The following ANKK1 variants were observed in gnomAD, a reference collection of about 807,000 sequenced individuals.
The protein encoded by ANKK1 is ankyrin repeat and kinase domain containing 1, also known as ankyrin repeat and protein kinase domain-containing protein 1.
ANKK1 carries 37 observed loss-of-function variants against 37.6 expected under a neutral mutation model. That is an observed-to-expected ratio of 0.98 (90% confidence interval 0.76 to 1.29). The LOEUF (loss-of-function observed/expected upper bound fraction) is 1.29, where lower values mean the gene tolerates loss of function less well. Ranked by LOEUF, ANKK1 falls within the 50% of genes most tolerant of loss-of-function variation. The pLI, the probability that ANKK1 is intolerant of heterozygous loss-of-function variation, is 0.00. For missense variants in ANKK1, 1,019 were observed against 990.6 expected, an observed-to-expected ratio of 1.03 and a Z score of -0.39; for synonymous variants, 415 against 418.7, an observed-to-expected ratio of 0.99 and a Z score of 0.11.
At chr11:113,394,148 T>C (rs1273599514) in intron 2 of ANKK1, among the ~76,000 whole-genome samples, 1 of 152,122 alleles carries the variant, frequency 6.6e-6, no homozygotes, top group African/African-American at 2.4e-5. Context: ...CCAGGACCTT[T>C]GCAGCTTCTG....
chr11:113,398,739 C>T (rs1950660172), intron 7 of ANKK1, among the ~76,000 whole-genome samples: 1 of 152,156 alleles, frequency 6.6e-6, no homozygotes, highest in Non-Finnish European at 1.5e-5. Flanking sequence ...CTTTCTGCCT[C>T]ACCTGTGAGG....
At position 113,387,961 on chromosome 11, in the gene ANKK1, G is replaced by C. The variant is rs1436982215; in HGVS notation, c.77G>C (p.Arg26Pro). ...FTRDDFEGDW[R>P]LVASGGFSQV... Reference sequence around the variant, plus strand: ...CGCGACGACTTCGAGGGCGACTGGCGCCTAGTGGCCAGCGGCGGCTTCAGC... The same window carrying C: ...CGCGACGACTTCGAGGGCGACTGGCCCCTAGTGGCCAGCGGCGGCTTCAGC... Residue 26 changes from arginine to proline, a missense_variant, in exon 1 of 8, where the codon CGC becomes CCC. By Grantham distance (103) the Arg-to-Pro change is moderately radical. Coordinates refer to ENST00000303941, the MANE Select transcript of ANKK1 (RefSeq NM_178510.2). 6.4e-7 allele frequency: 1 copy of C among 1,574,466 alleles called. No individual in the cohort carries two copies. The highest frequency in any genetic ancestry group is 1.3e-5 in the African/African-American group (1 of 74,130).
Position 113,400,048 on chromosome 11 carries a change from G to A in ANKK1, c.2079G>A (p.Trp693Ter), listed in dbSNP as rs751601411. The A allele has an allele frequency of 3.7e-6, 6 of 1,613,472 alleles. No homozygotes were observed. The highest frequency in any genetic ancestry group is 4.2e-6 in the Non-Finnish European group (5 of 1,179,802). Residue 693 changes from tryptophan to a stop codon, truncating the protein, a stop_gained, in exon 8 of 8, where the codon TGG becomes TGA. Coordinates refer to ENST00000303941, the MANE Select transcript of ANKK1 (RefSeq NM_178510.2). LOFTEE classifies it low-confidence loss of function (END_TRUNC). Reference sequence around the variant, plus strand: ...TCCACGCCCGCAACAAGGTGGGCTGGACACCCGCCCACCTGGCCGCCCTCA... The same window carrying A: ...TCCACGCCCGCAACAAGGTGGGCTGAACACCCGCCCACCTGGCCGCCCTCA... ...ANVHARNKVG[W>*]TPAHLAALKG...
chr11:113,399,848 T>C lies in ANKK1; in HGVS notation c.1879T>C (p.Trp627Arg). 1 of 1,611,358 alleles carries C rather than the reference T, an allele frequency of 6.2e-7. No homozygotes were observed. The highest frequency in any genetic ancestry group is 8.5e-7 in the Non-Finnish European group (1 of 1,179,096). Residue 627 changes from tryptophan (W) to arginine (R), a missense_variant, in exon 8 of 8, where the codon TGG becomes CGG. Trp to Arg is a moderately radical substitution (Grantham distance 101, BLOSUM62 -3). Coordinates refer to ENST00000303941, the MANE Select transcript of ANKK1 (RefSeq NM_178510.2). ...ANMGALGAVN[W>R]TPLHLAARHG... ...CATGGGTGCTCTTGGAGCTGTGAAC[T>C]GGACTCCCCTGCACCTAGCTGCACG...
chr11:113,399,216 C>A lies in ANKK1; in HGVS notation c.1247C>A (p.Ala416Glu). ...CCCGACCTCTGTGCCCTGCTTTTGG[C>A]ACATGGTGCTGATGCCAACCGAGTG... ...QQPDLCALLL[A>E]HGADANRVDE... The change falls in exon 8 of 8, where the codon GCA becomes GAA. Residue 416 changes from alanine (A) to glutamate (E), a missense_variant. Ala to Glu is a moderately radical substitution (Grantham distance 107, BLOSUM62 -1). Coordinates refer to ENST00000303941, the MANE Select transcript of ANKK1 (RefSeq NM_178510.2). The A allele has an allele frequency of 6.2e-7, 1 of 1,605,200 alleles. No homozygotes were observed. The highest frequency in any genetic ancestry group is 8.5e-7 in the Non-Finnish European group (1 of 1,176,120).
intron 1 of ANKK1, among the ~76,000 whole-genome samples, chr11:113,389,530 C>A (rs2138119829): frequency 6.6e-6 from 1 of 152,282 alleles, no homozygotes; most frequent in Middle Eastern, 3.4e-3. Context: ...AGACATTAAC[C>A]AGATAACCCC....
In ANKK1 at chr11:113,400,150, A is replaced by T; in HGVS notation, c.2181A>T (p.Thr727=). The change falls in exon 8 of 8, where the codon ACA becomes ACT. Residue 727 remains threonine, a synonymous_variant. Coordinates refer to ENST00000303941, the MANE Select transcript of ANKK1 (RefSeq NM_178510.2). Reference sequence around the variant, plus strand: ...ACGTCCAGGATGGAGTGAGCTGCACACCCCTGCAACTGGCCCTCCGCAGCC... The same window carrying T: ...ACGTCCAGGATGGAGTGAGCTGCACTCCCCTGCAACTGGCCCTCCGCAGCC... ...QLDVQDGVSC[T]PLQLALRSRK... 1 of 1,602,674 alleles carries T rather than the reference A, an allele frequency of 6.2e-7. No individual in the cohort carries two copies. Among genetic ancestry groups the T allele is most frequent in the Non-Finnish European group, 8.5e-7 (1 of 1,175,054 alleles).
At position 113,395,388 on chromosome 11, in the gene ANKK1, C is replaced by T. The variant is rs771782185; in HGVS notation, c.662C>T (p.Thr221Ile). 13 of 1,613,860 alleles carry T rather than the reference C, an allele frequency of 8.1e-6. No individual in the cohort carries two copies. The highest frequency in any genetic ancestry group is 1.1e-5 in the South Asian group (1 of 91,064). The stretch of plus-strand genomic sequence containing the variant: ...GCAATTGTCATCTGGGAGCTACTCA[C>T]TCAGAAGAAACCATACTCAGGTAAG... Reference protein sequence around the residue: ...SFAIVIWELLTQKKPYSGFNM... With the variant: ...SFAIVIWELLIQKKPYSGFNM... Residue 221 changes from threonine to isoleucine, a missense_variant, in exon 4 of 8, where the codon ACT (threonine) becomes ATT (isoleucine). Physicochemically the swap from Thr to Ile is moderately conservative, Grantham distance 89. Transcript: ENST00000303941.
chr11:113,399,033 A>T lies in ANKK1; in HGVS notation c.1064A>T (p.Glu355Val). 6.2e-7 allele frequency: 1 copy of T among 1,602,746 alleles called. No homozygotes were observed. The highest frequency in any genetic ancestry group is 8.5e-7 in the Non-Finnish European group (1 of 1,174,638). ...AAGAATTTGGTCCCGAGAGATGAGGAACTGTGTATCTATGAGAACAAGGTC... is the reference window on the plus strand; with the variant it reads ...AAGAATTTGGTCCCGAGAGATGAGGTACTGTGTATCTATGAGAACAAGGTC... ...DRKNLVPRDE[E>V]LCIYENKVTP... The change falls in exon 8 of 8, where the codon GAA becomes GTA. Residue 355 changes from glutamate (E) to valine (V), a missense_variant. Glu to Val is a moderately radical substitution (Grantham distance 121, BLOSUM62 -2). Coordinates refer to ENST00000303941, the MANE Select transcript of ANKK1 (RefSeq NM_178510.2).
At chr11:113,397,900 G>C in intron 6 of ANKK1, 80 bp from the exon 7 acceptor site, 1 of 1,468,666 alleles carries the variant, frequency 6.8e-7, no homozygotes, top group Non-Finnish European at 9.3e-7. Context: ...GAAGGTTGGA[G>C]AGAGGGAAGG....
Position 113,399,824 on chromosome 11 carries a change from A to T in ANKK1, c.1855A>T (p.Met619Leu). The T allele has an allele frequency of 6.2e-7, 1 of 1,608,078 alleles. No individual in the cohort carries two copies. The highest frequency in any genetic ancestry group is 1.3e-5 in the African/African-American group (1 of 74,820). ...IHLLAESHAN[M>L]GALGAVNWTP... Reference sequence around the variant, plus strand: ...TCTGCTGGCAGAGAGCCACGCAAACATGGGTGCTCTTGGAGCTGTGAACTG... The same window carrying T: ...TCTGCTGGCAGAGAGCCACGCAAACTTGGGTGCTCTTGGAGCTGTGAACTG... Residue 619 changes from methionine to leucine, a missense_variant, in exon 8 of 8, where the codon ATG becomes TTG. Coordinates refer to ENST00000303941, the MANE Select transcript of ANKK1 (RefSeq NM_178510.2).
In ANKK1 at chr11:113,387,824, G is replaced by T; in HGVS notation, c.-61G>T. 1.4e-6 allele frequency: 2 copies of T among 1,423,344 alleles called. No individual in the cohort carries two copies. The highest frequency in any genetic ancestry group is 1.8e-6 in the Non-Finnish European group (2 of 1,086,840). The allele number at this position is 1,423,344 out of a possible 1,614,324, so 88.2% of individuals were successfully genotyped here. On this transcript the variant is annotated 5_prime_UTR_variant, in exon 1 of 8. Coordinates refer to ENST00000303941, the MANE Select transcript of ANKK1 (RefSeq NM_178510.2). Reference sequence around the variant, plus strand: ...AGGAGCAGGAAGCGGCGGCTCCTTCGGCCACCCAGGCAGCAGCCACAGCGG... The same window carrying T: ...AGGAGCAGGAAGCGGCGGCTCCTTCTGCCACCCAGGCAGCAGCCACAGCGG...
At chr11:113,389,630 T>C (rs1950573163) in intron 1 of ANKK1, among the ~76,000 whole-genome samples, 1 of 152,214 alleles carries the variant, frequency 6.6e-6, no homozygotes, top group South Asian at 2.1e-4. Context: ...GTTTGACTGA[T>C]ATCAGAAAAG....
At chr11:113,394,850 A>C (rs1950623431) in intron 2 of ANKK1, 79 bp from the exon 3 acceptor site, 2 of 1,558,468 alleles carry the variant, frequency 1.3e-6, no homozygotes, top group African/African-American at 2.7e-5. Context: ...GGCAGATAGC[A>C]GGAGGGGTGA....
At position 113,400,016 on chromosome 11, in the gene ANKK1, G is replaced by C. The variant is rs778503691; in HGVS notation, c.2047G>C (p.Ala683Pro). 3 of 1,613,518 alleles carry C rather than the reference G, an allele frequency of 1.9e-6. No individual in the cohort carries two copies. Among genetic ancestry groups the C allele is most frequent in the Non-Finnish European group, 1.7e-6 (2 of 1,179,862 alleles). The change falls in exon 8 of 8, where the codon GCA (alanine) becomes CCA (proline). Residue 683 changes from alanine (A) to proline (P), a missense_variant. Coordinates refer to ENST00000303941, the MANE Select transcript of ANKK1 (RefSeq NM_178510.2). ...LSVINLLEHH[A>P]NVHARNKVGW... The stretch of plus-strand genomic sequence containing the variant: ...TGTCATCAACCTCCTAGAACATCAC[G>C]CAAATGTCCACGCCCGCAACAAGGT...
chr11:113,394,890 C>T (rs1430630736), intron 2 of ANKK1, 39 bp from the exon 3 acceptor site: 4 of 1,601,666 alleles, frequency 2.5e-6, no homozygotes, highest in Non-Finnish European at 3.4e-6. Context: ...GGTCATGAGG[C>T]TCTATCACGG....
chr11:113,396,236 G>A lies in ANKK1; in HGVS notation c.838+14G>A. 1.9e-6 allele frequency: 3 copies of A among 1,612,960 alleles called. No individual in the cohort carries two copies. The South Asian group carries it at 3.3e-5, about 18-fold the overall frequency. On this transcript the variant is annotated intron_variant, in intron 5 of 7. Coordinates refer to ENST00000303941, the MANE Select transcript of ANKK1 (RefSeq NM_178510.2). ...CATGCTTTCTAGGTGCTTATCCAGT[G>A]CCCCCTACCCAGGGACTGGGAGCTG...
chr11:113,399,476 T>G lies in ANKK1; in HGVS notation c.1507T>G (p.Tyr503Asp), dbSNP rs1228982963. ...EGKTPLHVAA[Y>D]FGHVSLVKLL... ...CAAGACCCCCCTCCATGTGGCCGCC[T>G]ACTTTGGCCATGTTAGCCTGGTCAA... is the stretch of plus-strand genomic sequence containing the variant. Residue 503 changes from tyrosine to aspartate, a missense_variant, in exon 8 of 8, where the codon TAC (tyrosine) becomes GAC (aspartate). Tyr to Asp is a radical substitution (Grantham distance 160). Coordinates refer to ENST00000303941, the MANE Select transcript of ANKK1 (RefSeq NM_178510.2). 4 of 1,592,548 alleles carry G rather than the reference T, an allele frequency of 2.5e-6. No homozygotes were observed. The highest frequency in any genetic ancestry group is 1.6e-4 in the Middle Eastern group (1 of 6,062).
chr11:113,389,973 G>T (rs926309934), intron 1 of ANKK1, among the ~76,000 whole-genome samples: 1 of 152,194 alleles, frequency 6.6e-6, no homozygotes, highest in African/African-American at 2.4e-5. Context: ...GATGAGAGAC[G>T]GATAATAGGG....
Sources: gnomAD v4.1 joint callset for allele counts (sites outside exome capture counted in the v4.1 genomes callset) on GRCh38, gnomAD v4.1.1 for gene constraint, MANE v1.5 for transcripts, NCBI Gene and HGNC (gene_info 2026-07-23, HGNC 2026-07-21) for gene names.